FBXL17: variants seen among roughly 807,000 people sequenced by gnomAD.
FBXL17 encodes the protein F-box/LRR-repeat protein 17.
A neutral mutation model predicts 66.2 loss-of-function variants in FBXL17; 22 were observed. That is an observed-to-expected ratio of 0.33 (90% CI 0.24 to 0.47). The LOEUF (loss-of-function observed/expected upper bound fraction) is 0.47, where lower values mean the gene tolerates loss of function less well. Among genes scored for constraint, FBXL17 ranks in the 20% least tolerant of loss-of-function variants. The pLI is 1.00. For synonymous variants in FBXL17, 474 were observed against 400.5 expected (o/e 1.18, Z -2.19); for missense variants, 878 against 948.2 (o/e 0.93, Z 0.97).
At chr5:107,864,016 C>T (rs1748206463) in intron 8 of FBXL17, among the ~76,000 whole-genome samples, 1 of 152,252 alleles carries the variant, frequency 6.6e-6, no homozygotes, top group Admixed American at 6.5e-5. Flanking sequence ...TGCCTTTTAT[C>T]TTTGGGCTGT....
At chr5:108,187,607 A>G (rs1753290087) in intron 5 of FBXL17, among the ~76,000 whole-genome samples, 2 of 152,224 alleles carry the variant, frequency 1.3e-5, no homozygotes, top group African/African-American at 4.8e-5. Flanking sequence ...GCCAGGAGTC[A>G]AGGAACATGG....
intron 7 of FBXL17, among the ~76,000 whole-genome samples, chr5:107,958,758 A>G (rs887471569): frequency 4.6e-5 from 7 of 152,100 alleles, no homozygotes; most frequent in Non-Finnish European, 1.0e-4. Context: ...CCTGTGACCC[A>G]TTTTTCATGT....
chr5:108,087,016 G>C (rs998667204), intron 6 of FBXL17, among the ~76,000 whole-genome samples: 1 of 152,058 alleles, frequency 6.6e-6, no homozygotes, highest in Non-Finnish European at 1.5e-5. Context: ...CCTGCAGCAA[G>C]AGCAAACTGA....
chr5:108,066,337 C>T (rs528185515), intron 6 of FBXL17, among the ~76,000 whole-genome samples: 7 of 152,160 alleles, frequency 4.6e-5, no homozygotes, highest in Admixed American at 1.3e-4. Flanking sequence ...ATAAACTAAA[C>T]GCCCACATTA....
chr5:108,230,490 T>C lies in FBXL17; in HGVS notation c.1507-6262A>G, dbSNP rs549712164. 2.0e-5 allele frequency among the ~76,000 whole-genome samples: 3 copies of C among 152,276 alleles called. No homozygotes were observed. In the East Asian group the frequency reaches 5.8e-4, roughly 29 times the overall value. ...CAGGAATGGAAAAACAAACATCATATGTTCTCACTCATAAGTGGGAGCTAA... is the reference window on the plus strand; with the variant it reads ...CAGGAATGGAAAAACAAACATCATACGTTCTCACTCATAAGTGGGAGCTAA... On this transcript the variant is annotated intron_variant, in intron 4 of 8. Transcript: ENST00000542267.
rs542288966 is a variant in FBXL17 at position 108,009,294 on chromosome 5, TATATATAC to T, written c.1822+11623_1822+11630del. Among the ~76,000 whole-genome samples the T allele has an allele frequency of 2.6e-4, 18 of 68,496 alleles. 3 individuals are homozygous for T. The highest frequency in any genetic ancestry group is 1.3e-3 in the Admixed American group (8 of 5,970). The allele number at this position is 68,496 out of a possible 152,430, so 44.9% of individuals were successfully genotyped here. ...ATATATATATATATATATATATATATATATATACATATATACATACACATATAGTTTTG... is the reference window on the plus strand; with the variant it reads ...ATATATATATATATATATATATATATATATATACATACACATATAGTTTTG... On this transcript the variant is annotated intron_variant, in intron 7 of 8. Coordinates refer to ENST00000542267, the MANE Select transcript of FBXL17 (RefSeq NM_001163315.3).
At chr5:107,924,060 G>T (rs1750412178) in intron 7 of FBXL17, among the ~76,000 whole-genome samples, 1 of 107,564 alleles carries the variant, frequency 9.3e-6, no homozygotes, top group Non-Finnish European at 1.7e-5. Context: ...TGAGCTTAGT[G>T]TTTTTTTTTT....
intron 4 of FBXL17, among the ~76,000 whole-genome samples, chr5:108,232,839 CCTGA>C (rs1406336788): frequency 4.1e-5 from 5 of 123,094 alleles, no homozygotes; most frequent in African/African-American, 1.2e-4. Context: ...TCTAGGGATC[CCTGA>C]CTAACACAAC....
intron 7 of FBXL17, among the ~76,000 whole-genome samples, chr5:107,961,947 A>C (rs1751926208): frequency 6.6e-6 from 1 of 152,216 alleles, no homozygotes; most frequent in African/African-American, 2.4e-5. Context: ...ATTTACATTT[A>C]CAATAAGAAA....
chr5:108,108,577 T>C (rs527515295), intron 6 of FBXL17, among the ~76,000 whole-genome samples: 35 of 152,320 alleles, frequency 2.3e-4, no homozygotes, highest in African/African-American at 8.2e-4. Context: ...AATAAAGACA[T>C]GGGTAACAAT....
chr5:107,920,806 T>C (rs1021417996), intron 7 of FBXL17, among the ~76,000 whole-genome samples: 1 of 152,164 alleles, frequency 6.6e-6, no homozygotes, highest in Non-Finnish European at 1.5e-5. Flanking sequence ...GGTTTAATGT[T>C]CACCAAGGCT....
chr5:108,073,127 A>T (rs1748405106), intron 6 of FBXL17, among the ~76,000 whole-genome samples: 1 of 152,196 alleles, frequency 6.6e-6, no homozygotes. Context: ...AGTAAAGAGG[A>T]CAAAATAAAA....
intron 4 of FBXL17, among the ~76,000 whole-genome samples, chr5:108,230,344 G>A (rs1268441928): frequency 6.6e-6 from 1 of 152,086 alleles, no homozygotes; most frequent in Non-Finnish European, 1.5e-5. Context: ...TCAATGAGGG[G>A]ATAAAGACAT....
chr5:108,380,932 G>C lies in FBXL17; in HGVS notation c.760C>G (p.Pro254Ala). ...DAGCCQAPEQ[P>A]PQPLCPPPSS... ...GGCGGAGGGCAGAGCGGCTGCGGGG[G>C]CTGCTCCGGGGCCTGGCAGCAGCCG... is the stretch of plus-strand genomic sequence containing the variant. Residue 254 changes from proline (P) to alanine (A), a missense_variant, in exon 1 of 9, where the codon CCC (proline) becomes GCC (alanine). Transcript: ENST00000542267. 3.3e-6 allele frequency: 4 copies of C among 1,221,390 alleles called. No homozygotes were observed. The highest frequency in any genetic ancestry group is 4.1e-6 in the Non-Finnish European group (4 of 978,658). The allele number at this position is 1,221,390 out of a possible 1,614,324, so 75.7% of individuals were successfully genotyped here.
chr5:108,159,479 T>C (rs1187781316), intron 6 of FBXL17, among the ~76,000 whole-genome samples: 1 of 152,142 alleles, frequency 6.6e-6, no homozygotes, highest in Non-Finnish European at 1.5e-5. Context: ...AGCGTCCTTC[T>C]GAATGGAATT....
At chr5:108,269,213 G>A (rs773862105) in intron 4 of FBXL17, among the ~76,000 whole-genome samples, 1 of 152,046 alleles carries the variant, frequency 6.6e-6, no homozygotes, top group Non-Finnish European at 1.5e-5. Context: ...AGGAAGGTAA[G>A]AGTGATCTTC....
In FBXL17 at chr5:108,044,152, C is replaced by T. The variant is rs149658698; in HGVS notation, c.1746-23151G>A. On this transcript the variant is annotated intron_variant, in intron 6 of 8. Transcript: ENST00000542267. ...AAATAGGGGCAGTTTCATTTATTCC[C>T]TTCCAATCTGTATGCCTTTATTACT... is the stretch of plus-strand genomic sequence containing the variant. Among the ~76,000 whole-genome samples, 1,100 of 152,218 alleles carry T rather than the reference C, an allele frequency of 7.2e-3. 8 individuals are homozygous for T. Among genetic ancestry groups the T allele is most frequent in the African/African-American group, 0.023 (941 of 41,554 alleles).
intron 4 of FBXL17, among the ~76,000 whole-genome samples, chr5:108,345,529 C>T (rs1202220765): frequency 1.3e-5 from 2 of 150,216 alleles, no homozygotes; most frequent in Non-Finnish European, 3.0e-5. Context: ...AAATGTTCTA[C>T]TATCTTACTA....
chr5:107,874,342 T>A (rs1748548795), intron 8 of FBXL17, among the ~76,000 whole-genome samples: 1 of 152,196 alleles, frequency 6.6e-6, no homozygotes. Context: ...AGCAGGTATG[T>A]ATATGTGAAT....
Sources: gnomAD v4.1 joint callset for allele counts (sites outside exome capture counted in the v4.1 genomes callset) on GRCh38, gnomAD v4.1.1 for gene constraint, MANE v1.5 for transcripts, NCBI Gene and HGNC (gene_info 2026-07-23, HGNC 2026-07-21) for gene names.